The following F8 variants were observed in gnomAD, a reference collection of about 807,000 sequenced individuals.
F8 encodes the protein coagulation factor VIII.
In F8, 12 loss-of-function variants were observed where a neutral mutation model predicts 140.6. That is an observed-to-expected ratio of 0.09 (90% CI 0.05 to 0.14). The LOEUF is 0.14. F8 is among the 10% of genes least tolerant of loss of function. The pLI, the probability that F8 is intolerant of heterozygous loss-of-function variation, is 1.00. For synonymous variants in F8, 585 were observed against 614.6 expected, an observed-to-expected ratio of 0.95 and a Z score of 0.71; for missense variants, 1,354 against 1,720.7, an observed-to-expected ratio of 0.79 and a Z score of 3.77.
At chrX:154,905,413 G>A (rs1405756493) in intron 15 of F8, among the ~76,000 whole-genome samples, 2 of 111,560 alleles carry the variant, frequency 1.8e-5, no homozygotes, top group East Asian at 2.8e-4. Flanking sequence ...TTACTTTCCA[G>A]ATTAAAAATT....
chrX:154,933,496 C>T (rs781988669), intron 13 of F8, among the ~76,000 whole-genome samples: 1 of 112,200 alleles, frequency 8.9e-6, no homozygotes, highest in East Asian at 2.8e-4. Flanking sequence ...GAACTAGTTA[C>T]TAGCTGTTGA....
chrX:155,002,645 ACG>A (rs1491085174), intron 1 of F8, among the ~76,000 whole-genome samples: 7 of 110,461 alleles, frequency 6.3e-5, no homozygotes, highest in African/African-American at 2.3e-4. Context: ...ACACACACAC[ACG>A]GATCTGTTTC....
chrX:155,002,510 CCT>C (rs2073651760), intron 1 of F8, among the ~76,000 whole-genome samples: 1 of 110,235 alleles, frequency 9.1e-6, no homozygotes. Flanking sequence ...ATTCACTCTC[CCT>C]GTTTGAACTG....
At chrX:154,916,091 A>C (rs781873160) in intron 14 of F8, among the ~76,000 whole-genome samples, 85 of 112,264 alleles carry the variant, frequency 7.6e-4, no homozygotes, top group African/African-American at 2.7e-3. Flanking sequence ...CCTTCTGTTA[A>C]TGTGGTGTAT....
rs1303448144 is a variant in F8, at chrX:154,904,726, C to T, written c.5586+85G>A. 4.6e-6 allele frequency: 4 copies of T among 875,305 alleles called. No individual in the cohort carries two copies. The East Asian group carries it at 9.4e-5, about 21-fold the overall frequency. 72.1% of individuals were successfully genotyped at this position (875,305 alleles called of 1,213,427 possible). On this transcript the variant is annotated intron_variant, in intron 16 of 25. Coordinates refer to ENST00000360256, the MANE Select transcript of F8 (RefSeq NM_000132.4). ...CTCCTATTTAAAGCTTCTTATTGCACGTAGGATAAATATCAAAATTCTTAG... is the reference window on the plus strand; with the variant it reads ...CTCCTATTTAAAGCTTCTTATTGCATGTAGGATAAATATCAAAATTCTTAG...
intron 25 of F8, among the ~76,000 whole-genome samples, chrX:154,854,741 G>A (rs1283795802): frequency 4.5e-5 from 5 of 111,658 alleles, no homozygotes; most frequent in African/African-American, 1.3e-4. Flanking sequence ...TTTGTTATTG[G>A]ATTTCTGGAA....
chrX:154,928,340 CT>C (rs782707451), intron 14 of F8, among the ~76,000 whole-genome samples: 3 of 112,079 alleles, frequency 2.7e-5, no homozygotes, highest in Non-Finnish European at 5.6e-5. Context: ...AAGATTTCCC[CT>C]GCAGCTCATA....
At chrX:155,009,091 T>C (rs2073692575) in intron 1 of F8, among the ~76,000 whole-genome samples, 1 of 109,749 alleles carries the variant, frequency 9.1e-6, no homozygotes, top group South Asian at 3.9e-4. Context: ...ATTTTTTTTT[T>C]TTTTTTTTTG....
At chrX:154,874,779 T>C (rs1404837895) in intron 22 of F8, among the ~76,000 whole-genome samples, 1 of 112,400 alleles carries the variant, frequency 8.9e-6, no homozygotes, top group Non-Finnish European at 1.9e-5. Flanking sequence ...ACAGCCATTA[T>C]GAAAAACAGC....
At chrX:154,977,806 T>A (rs986866190) in intron 6 of F8, among the ~76,000 whole-genome samples, 1 of 110,895 alleles carries the variant, frequency 9.0e-6, no homozygotes, top group East Asian at 2.8e-4. Context: ...AATCTCTTGG[T>A]AGACTTGGAA....
intron 22 of F8, among the ~76,000 whole-genome samples, chrX:154,881,557 A>G (rs1271255071): frequency 1.8e-5 from 2 of 112,266 alleles, no homozygotes; most frequent in African/African-American, 6.6e-5. Context: ...CAATTTATAT[A>G]ATACACCATA....
chrX:154,854,773 AT>A (rs1296363173), intron 25 of F8, among the ~76,000 whole-genome samples: 1 of 111,940 alleles, frequency 8.9e-6, no homozygotes, highest in Non-Finnish European at 1.9e-5. Context: ...ACCTGATGAA[AT>A]TTAAAGACAC....
intron 5 of F8, 144 bp from the exon 6 acceptor site, chrX:154,984,947 A>T: frequency 1.9e-6 from 1 of 535,730 alleles, no homozygotes; most frequent in South Asian, 2.4e-5. Context: ...TTATCCTCTC[A>T]AAGTCAGTGT....
rs35281198 is a variant in F8 at position 155,001,312 on chromosome X, CTTTTTTTTTT to C, written c.144-1722_144-1713del. On this transcript the variant is annotated intron_variant, in intron 1 of 25. Coordinates refer to ENST00000360256, the MANE Select transcript of F8 (RefSeq NM_000132.4). The stretch of plus-strand genomic sequence containing the variant: ...ACACATAAAATTTACTATCGTAAAT[CTTTTTTTTTT>C]TTTTTTTTTTTTGACAGGGTCTCAC... 9.2e-5 allele frequency among the ~76,000 whole-genome samples: 7 copies of C among 75,963 alleles called. No homozygotes were observed. In the East Asian group the frequency reaches 2.2e-3, roughly 24 times the overall value. 66.0% of individuals were successfully genotyped at this position (75,963 alleles called of 115,157 possible).
At chrX:154,913,717 G>A (rs929460849) in intron 14 of F8, among the ~76,000 whole-genome samples, 3 of 112,802 alleles carry the variant, frequency 2.7e-5, no homozygotes, top group Non-Finnish European at 3.8e-5. Context: ...TCACATTTAG[G>A]TCACCCTGAT....
At chrX:154,919,680 T>A (rs1287730803) in intron 14 of F8, 1 of 458,663 alleles carries the variant, frequency 2.2e-6, no homozygotes, top group Non-Finnish European at 3.6e-6. Flanking sequence ...CTCACTTTCA[T>A]GTAACAGCTG....
intron 25 of F8, among the ~76,000 whole-genome samples, chrX:154,840,804 CA>C (rs1352806224): frequency 8.9e-6 from 1 of 111,877 alleles, no homozygotes; most frequent in Non-Finnish European, 1.9e-5. Flanking sequence ...GTGTCAAACA[CA>C]AAATCACATT....
At chrX:154,947,954 GT>G (rs1569559761) in intron 12 of F8, 47 bp from the exon 13 acceptor site, 1 of 996,270 alleles carries the variant, frequency 1.0e-6, no homozygotes, top group Admixed American at 2.2e-5. Flanking sequence ...CACAGATTTA[GT>G]ATTTTGGATT....
chrX:154,981,914 A>G (rs922476850), intron 6 of F8, among the ~76,000 whole-genome samples: 7 of 112,079 alleles, frequency 6.2e-5, no homozygotes, highest in Admixed American at 4.7e-4. Flanking sequence ...GGCCGGATGC[A>G]GTGGCTCACA....
Sources: gnomAD v4.1 joint callset for allele counts (sites outside exome capture counted in the v4.1 genomes callset) on GRCh38, gnomAD v4.1.1 for gene constraint, MANE v1.5 for transcripts, NCBI Gene and HGNC (gene_info 2026-07-23, HGNC 2026-07-21) for gene names.